Variants in RPGRIP1 observed in about 807,000 individuals in gnomAD.
The protein encoded by RPGRIP1 is X-linked retinitis pigmentosa GTPase regulator-interacting protein 1.
In RPGRIP1, 128 loss-of-function variants were observed where a neutral mutation model predicts 157.9. The ratio of observed to expected loss-of-function variants is 0.81; its 90% confidence interval spans 0.70 to 0.94. RPGRIP1 has a LOEUF of 0.94. Among genes scored for constraint, RPGRIP1 ranks in the 40% least tolerant of loss-of-function variants. The pLI, the probability that RPGRIP1 is intolerant of heterozygous loss-of-function variation, is 0.00. For missense variants in RPGRIP1, 1,486 were observed against 1,545.8 expected (o/e 0.96, Z 0.65); for synonymous variants, 554 against 571.6 (o/e 0.97, Z 0.44).
At chr14:21,297,834 A>ATTTTTTTTCTTTCTTTCTTTCT (rs146421534) in intron 3 of RPGRIP1, among the ~76,000 whole-genome samples, 4 of 133,324 alleles carry the variant, frequency 3.0e-5, no homozygotes, top group South Asian at 4.9e-4. Flanking sequence ...TCAATAAATT[A>ATTTTTTTTCTTTCTTTCTTTCT]TTCTTTCTTT....
At chr14:21,311,787 T>C in intron 8 of RPGRIP1, 37 bp from the exon 9 acceptor site, 1 of 1,571,086 alleles carries the variant, frequency 6.4e-7, no homozygotes, top group Non-Finnish European at 8.6e-7. Context: ...TGCTGAGTGA[T>C]ATGACCATTC....
At chr14:21,333,143 CTCGCAAGAAGCTAAA>C (rs1428739760) in intron 20 of RPGRIP1, among the ~76,000 whole-genome samples, 1 of 152,180 alleles carries the variant, frequency 6.6e-6, no homozygotes, top group African/African-American at 2.4e-5. Flanking sequence ...CCAGTTAGTA[CTCGCAAGAAGCTAAA>C]ATCTGCCTGG....
At chr14:21,323,113 T>C (rs12888713) in intron 14 of RPGRIP1, among the ~76,000 whole-genome samples, 53,264 of 151,862 alleles carry the variant, frequency 0.35, 9,844 homozygotes, top group East Asian at 0.43. Flanking sequence ...GGTTTCTTAG[T>C]GAGCATGGAA....
At chr14:21,330,474 C>T in intron 20 of RPGRIP1, 87 bp downstream of exon 20, 1 of 963,036 alleles carries the variant, frequency 1.0e-6, no homozygotes, top group Non-Finnish European at 1.4e-6. Flanking sequence ...CAAGAGCAGC[C>T]TGGCCAACAT....
intron 10 of RPGRIP1, among the ~76,000 whole-genome samples, chr14:21,315,806 A>T (rs8019240): frequency 0.43 from 62,080 of 143,934 alleles, 13,524 homozygotes; most frequent in Middle Eastern, 0.48. Flanking sequence ...TATTATTATT[A>T]TTTTTTTTTT....
In RPGRIP1 at chr14:21,288,072, C is replaced by T. The variant is rs538409092; in HGVS notation, c.85+11C>T. On this transcript the variant is annotated intron_variant, in intron 2 of 24. Transcript: ENST00000400017. The stretch of plus-strand genomic sequence containing the variant: ...TACCAGCCTCAAAAGGTAACTTCTA[C>T]GCCTGAGGATGGACACCTTTTAGAA... 1.4e-5 allele frequency: 22 copies of T among 1,571,616 alleles called. No homozygotes were observed. Among genetic ancestry groups the T allele is most frequent in the South Asian group, 6.7e-5 (6 of 90,190 alleles).
chr14:21,288,751 T>C (rs953376196), intron 2 of RPGRIP1, among the ~76,000 whole-genome samples: 9 of 151,472 alleles, frequency 5.9e-5, no homozygotes, highest in Non-Finnish European at 1.0e-4. Context: ...TGACCTCAAG[T>C]GATCCGCCTG....
rs1883342297 is a variant in RPGRIP1 at position 21,328,429 on chromosome 14, G to T, written c.2901G>T (p.Gln967His). The change falls in exon 19 of 25, where the codon CAG (glutamine) becomes CAT (histidine). Residue 967 changes from glutamine to histidine, a missense_variant. Transcript: ENST00000400017. The part of the protein sequence containing the change: ...EEKASFPSQD[Q>H]MASPEVPIEA... ...TCTCTGATCTTTCTATTCAGGATCA[G>T]ATGGCATCTCCTGAGGTTCCCATTG... 1 of 1,610,408 alleles carries T rather than the reference G, an allele frequency of 6.2e-7. No individual in the cohort carries two copies. Among genetic ancestry groups the T allele is most frequent in the Non-Finnish European group, 8.5e-7 (1 of 1,178,380 alleles).
chr14:21,297,854 T>TTTCTTTCTTTCTTTCC (rs1880856745), intron 3 of RPGRIP1, among the ~76,000 whole-genome samples: 1 of 149,806 alleles, frequency 6.7e-6, no homozygotes, highest in Non-Finnish European at 1.5e-5. Flanking sequence ...TCTTTCTTTC[T>TTTCTTTCTTTCTTTCC]TTCTTTCTTT....
intron 1 of RPGRIP1, among the ~76,000 whole-genome samples, chr14:21,284,952 C>G (rs747941780): frequency 6.6e-6 from 1 of 152,026 alleles, no homozygotes; most frequent in Non-Finnish European, 1.5e-5. Flanking sequence ...GTCATTCTCT[C>G]TCTTGTTCGT....
At chr14:21,287,515 TG>T (rs2139131524) in intron 1 of RPGRIP1, among the ~76,000 whole-genome samples, 1 of 152,292 alleles carries the variant, frequency 6.6e-6, no homozygotes, top group East Asian at 1.9e-4. Context: ...TCATTTGTCT[TG>T]GGTCATTCGA....
intron 2 of RPGRIP1, among the ~76,000 whole-genome samples, chr14:21,290,265 G>GTTA (rs1566666273): frequency 6.6e-6 from 1 of 152,140 alleles, no homozygotes; most frequent in African/African-American, 2.4e-5. Context: ...CAAAGCAGTG[G>GTTA]CACCATTTTA....
chr14:21,341,840 G>C (rs893743130), intron 21 of RPGRIP1, among the ~76,000 whole-genome samples: 3 of 152,108 alleles, frequency 2.0e-5, no homozygotes, highest in Non-Finnish European at 4.4e-5. Flanking sequence ...TGGATCACGA[G>C]GTCAGGAGAT....
chr14:21,291,052 T>C (rs1356249820), intron 2 of RPGRIP1, among the ~76,000 whole-genome samples: 1 of 152,048 alleles, frequency 6.6e-6, no homozygotes, highest in Non-Finnish European at 1.5e-5. Context: ...TTTGCATTTC[T>C]CTGATGAATA....
intron 10 of RPGRIP1, 149 bp downstream of exon 10, chr14:21,312,655 A>G: frequency 1.8e-6 from 1 of 554,526 alleles, no homozygotes. Flanking sequence ...TTTGGAAGGG[A>G]ATTTGACACT....
intron 14 of RPGRIP1, among the ~76,000 whole-genome samples, chr14:21,323,704 C>T (rs1040395282): frequency 2.6e-5 from 4 of 152,026 alleles, no homozygotes; most frequent in African/African-American, 9.7e-5. Flanking sequence ...GATTATTACT[C>T]CTGCATCATG....
chr14:21,339,552 A>AT (rs1248206275), intron 21 of RPGRIP1, among the ~76,000 whole-genome samples: 2 of 152,196 alleles, frequency 1.3e-5, no homozygotes, highest in East Asian at 3.9e-4. Flanking sequence ...TGAAACATGT[A>AT]TTTTTCAATC....
intron 2 of RPGRIP1, among the ~76,000 whole-genome samples, chr14:21,289,171 CA>C (rs1880419501): frequency 6.6e-6 from 1 of 151,866 alleles, no homozygotes; most frequent in Non-Finnish European, 1.5e-5. Flanking sequence ...ACTAAAAATA[CA>C]AAAAAATTAG....
At chr14:21,348,947 C>T (rs1440011183) in intron 24 of RPGRIP1, among the ~76,000 whole-genome samples, 2 of 152,030 alleles carry the variant, frequency 1.3e-5, no homozygotes, top group African/African-American at 4.8e-5. Context: ...AGGTGTGAGC[C>T]ACTGCACCTG....
Sources: gnomAD v4.1 joint callset for allele counts (sites outside exome capture counted in the v4.1 genomes callset) on GRCh38, gnomAD v4.1.1 for gene constraint, MANE v1.5 for transcripts, NCBI Gene and HGNC (gene_info 2026-07-23, HGNC 2026-07-21) for gene names.